PITPNM2: variants seen among roughly 807,000 people sequenced by gnomAD.
PITPNM2 encodes phosphatidylinositol transfer protein membrane associated 2, also known as membrane-associated phosphatidylinositol transfer protein 2.
PITPNM2 carries 35 observed loss-of-function variants against 132.2 expected under a neutral mutation model. The ratio of observed to expected loss-of-function variants is 0.26; its 90% confidence interval spans 0.20 to 0.35. The LOEUF (loss-of-function observed/expected upper bound fraction) is 0.35, where lower values mean the gene tolerates loss of function less well. Ranked by LOEUF, PITPNM2 falls within the 10% of genes least tolerant of loss-of-function variation. PITPNM2 has a pLI of 1.00. For synonymous variants in PITPNM2, 738 were observed against 799.2 expected (o/e 0.92, Z 1.29); for missense variants, 1,332 against 1,912.0 (o/e 0.70, Z 5.66).
chr12:123,107,460 C>G (rs1055655800), intron 2 of PITPNM2, among the ~76,000 whole-genome samples: 3 of 152,236 alleles, frequency 2.0e-5, no homozygotes, highest in African/African-American at 7.2e-5. Context: ...CCCCACCCAC[C>G]ACCTGCCACC....
chr12:123,052,365 T>C (rs913719900), intron 2 of PITPNM2, among the ~76,000 whole-genome samples: 2 of 152,174 alleles, frequency 1.3e-5, no homozygotes, highest in African/African-American at 4.8e-5. Flanking sequence ...AGGCCAGAAG[T>C]CTGAAATGAA....
At position 122,987,670 on chromosome 12, in the gene PITPNM2, C is replaced by T. The variant is rs970025836; in HGVS notation, c.3115-11G>A. ...GATGTGCACATCCACCTGGGCCCAG[C>T]AGGCTGGTCACGGGCTGGCTGTGTC... is the stretch of plus-strand genomic sequence containing the variant. On this transcript the variant is annotated splice_polypyrimidine_tract_variant and intron_variant, in intron 21 of 25. Transcript: ENST00000320201. 1 of 1,611,248 alleles carries T rather than the reference C, an allele frequency of 6.2e-7. No homozygotes were observed. The highest frequency in any genetic ancestry group is 1.7e-5 in the Admixed American group (1 of 59,850).
Position 122,995,583 on chromosome 12 carries a change from ACCGCCACCGCCGCCACCG to A in PITPNM2, c.1842_1859del (p.Gly617_Gly622del), listed in dbSNP as rs771483211. On this transcript the variant is annotated inframe_deletion, in exon 14 of 26. Coordinates refer to ENST00000320201, the MANE Select transcript of PITPNM2 (RefSeq NM_020845.3). Reference sequence around the variant, plus strand: ...TGCCACCACCACCACTGCTGCCACCACCGCCACCGCCGCCACCGCCACCACCGCAGCAGTGTGCTGCAT... The same window carrying A: ...TGCCACCACCACCACTGCTGCCACCACCACCACCGCAGCAGTGTGCTGCAT... The A allele has an allele frequency of 1.3e-6, 2 of 1,578,606 alleles. No homozygotes were observed. Among genetic ancestry groups the A allele is most frequent in the Non-Finnish European group, 8.5e-7 (1 of 1,176,746 alleles).
intron 2 of PITPNM2, among the ~76,000 whole-genome samples, chr12:123,069,962 G>C (rs899868193): frequency 1.3e-5 from 2 of 152,176 alleles, no homozygotes; most frequent in African/African-American, 4.8e-5. Flanking sequence ...TCAGGAAGCT[G>C]CCCAGCAGTG....
At chr12:123,059,459 A>G (rs1475977933) in intron 2 of PITPNM2, among the ~76,000 whole-genome samples, 3 of 152,262 alleles carry the variant, frequency 2.0e-5, no homozygotes, top group Non-Finnish European at 2.9e-5. Flanking sequence ...GTACTGTCCC[A>G]GCTTTACCAC....
rs945345710 is a variant in PITPNM2 at position 123,117,525 on chromosome 12, G to A, written c.-199-7037C>T. Among the ~76,000 whole-genome samples the A allele has an allele frequency of 4.6e-5, 7 of 152,180 alleles. No homozygotes were observed. The highest frequency in any genetic ancestry group is 1.9e-4 in the East Asian group (1 of 5,190). The stretch of plus-strand genomic sequence containing the variant: ...GTTTCCCCATCTGTAGAGTGAGGAG[G>A]CTGGGCTTCATGACCTCTGAAAGGG... On this transcript the variant is annotated intron_variant, in intron 1 of 25. Transcript: ENST00000320201. The surrounding 1 kb of genome is among the most constrained non-coding windows in gnomAD (Gnocchi z 4.7).
At position 123,001,202 on chromosome 12, in the gene PITPNM2, G is replaced by A. The variant is rs753105764; in HGVS notation, c.1049-44C>T. ...AACTCAGGTGGGACTGGGAACGCTG[G>A]GGAAGCCTGGCTTCCCGAGGTGGGG... On this transcript the variant is annotated intron_variant, in intron 8 of 25. Transcript: ENST00000320201. The A allele has an allele frequency of 3.3e-6, 5 of 1,533,328 alleles. No homozygotes were observed. In the Admixed American group the frequency reaches 8.4e-5, roughly 26 times the overall value. 95.0% of individuals were successfully genotyped at this position (1,533,328 alleles called of 1,614,324 possible).
At position 122,986,134 on chromosome 12, in the gene PITPNM2, C is replaced by T. The variant is rs758608732; in HGVS notation, c.3943G>A (p.Ala1315Thr). Residue 1315 changes from alanine (A) to threonine (T), a missense_variant, in exon 26 of 26, where the codon GCG (alanine) becomes ACG (threonine). Physicochemically the swap from Ala to Thr is moderately conservative, Grantham distance 58 (BLOSUM62 0). Around this residue, in one of 6 missense-constraint regions of PITPNM2, gnomAD observed 163 missense variants for 177.2 expected, o/e 0.92. Coordinates refer to ENST00000320201, the MANE Select transcript of PITPNM2 (RefSeq NM_020845.3). ...SHRHERTQSQ[A>T]DGEQRGQRSM... ...CGCTGGCCCCGCTGCTCGCCATCCG[C>T]CTGGCTCTGTGTCCGCTCGTGCCGG... 1.3e-6 allele frequency: 2 copies of T among 1,521,118 alleles called. No individual in the cohort carries two copies. The highest frequency in any genetic ancestry group is 2.4e-5 in the South Asian group (2 of 82,306). 94.2% of individuals were successfully genotyped at this position (1,521,118 alleles called of 1,614,324 possible).
At chr12:123,006,080 C>T (rs2038922392) in intron 6 of PITPNM2, 1 of 152,374 alleles carries the variant, frequency 6.6e-6, no homozygotes, top group African/African-American at 2.4e-5. Context: ...CACTGCACTC[C>T]AGCCTGGGTA....
chr12:123,034,452 G>T lies in PITPNM2; in HGVS notation c.78+61C>A, dbSNP rs2040203530. On this transcript the variant is annotated intron_variant, in intron 3 of 25. Coordinates refer to ENST00000320201, the MANE Select transcript of PITPNM2 (RefSeq NM_020845.3). ...CACAACTCCACCTAACCCACATGTG[G>T]TGTCTGTGCGCTGGCGCGACCCACC... The T allele has an allele frequency of 1.0e-5, 15 of 1,486,878 alleles. 1 individual carries two copies. In the South Asian group the frequency reaches 1.5e-4, roughly 15 times the overall value. 92.1% of individuals were successfully genotyped at this position (1,486,878 alleles called of 1,614,324 possible). A position where few individuals can be genotyped will look rare whatever the true frequency, so the allele number is the denominator to read the frequency against.
rs775567521 is a variant in PITPNM2, at chr12:123,058,555, C to T, written c.-95-23870G>A. On this transcript the variant is annotated intron_variant, in intron 2 of 25. Coordinates refer to ENST00000320201, the MANE Select transcript of PITPNM2 (RefSeq NM_020845.3). This position sits in a 1 kb window ranked among gnomAD's most constrained non-coding sequence, Gnocchi z 4.0. ...CCTCTCCAGGGCCTCTCTCACTCCA[C>T]CATTCACCTGCTGTTCCCTGCTGTC... Among the ~76,000 whole-genome samples, 1 of 152,218 alleles carries T rather than the reference C, an allele frequency of 6.6e-6. No individual in the cohort carries two copies. Among genetic ancestry groups the T allele is most frequent in the Non-Finnish European group, 1.5e-5 (1 of 68,038 alleles).
At chr12:123,037,664 C>A (rs549087082) in intron 2 of PITPNM2, among the ~76,000 whole-genome samples, 102 of 152,314 alleles carry the variant, frequency 6.7e-4, no homozygotes, top group African/African-American at 2.2e-3. Context: ...ACCTGCCCTG[C>A]TCATCCCCAT....
Position 122,987,318 on chromosome 12 carries a change from C to T in PITPNM2, c.3376G>A (p.Asp1126Asn), listed in dbSNP as rs762885179. The T allele has an allele frequency of 5.6e-6, 9 of 1,611,958 alleles. No homozygotes were observed. In the Middle Eastern group the frequency reaches 6.3e-4, roughly 112 times the overall value. ...ACGGCCCCGGCCCGCACCTTGGGGTCGCTGCCCATGATGGACACGCTAGCG... is the reference window on the plus strand; with the variant it reads ...ACGGCCCCGGCCCGCACCTTGGGGTTGCTGCCCATGATGGACACGCTAGCG... ...FAASVSIMGSDPKVRAGAVDV... is the reference protein window; with the variant it reads ...FAASVSIMGSNPKVRAGAVDV... Residue 1126 changes from aspartate to asparagine, a missense_variant, in exon 23 of 26, where the codon GAC (aspartate) becomes AAC (asparagine). Around this residue, in one of 6 missense-constraint regions of PITPNM2, gnomAD observed 251 missense variants for 472.0 expected, o/e 0.53. Transcript: ENST00000320201.
In PITPNM2 at chr12:123,004,343, C is replaced by T. The variant is rs769358200; in HGVS notation, c.1048+51G>A. 5 of 1,578,904 alleles carry T rather than the reference C, an allele frequency of 3.2e-6. No homozygotes were observed. In the East Asian group the frequency reaches 9.0e-5, roughly 28 times the overall value. On this transcript the variant is annotated intron_variant, in intron 8 of 25. Transcript: ENST00000320201. The surrounding 1 kb of genome is among the most constrained non-coding windows in gnomAD (Gnocchi z 4.9). ...ACACCCTAAGCCCTTTCAGACCCCT[C>T]CCCACCTCGCCCAGGAAGGCCCCAA...
At chr12:123,138,477 T>G (rs985480730) in intron 1 of PITPNM2, among the ~76,000 whole-genome samples, 1 of 152,300 alleles carries the variant, frequency 6.6e-6, no homozygotes, top group South Asian at 2.1e-4. Context: ...TGTTATATTA[T>G]GTATATTTTA....
intron 3 of PITPNM2, among the ~76,000 whole-genome samples, chr12:123,019,233 CAAGTT>C (rs2039571184): frequency 6.6e-6 from 1 of 152,092 alleles, no homozygotes; most frequent in Admixed American, 6.6e-5. Flanking sequence ...AAGTAGCTGT[CAAGTT>C]ATTTCAAAAT....
In PITPNM2 at chr12:123,077,600, GA is replaced by G. The variant is rs1035119916; in HGVS notation, c.-96+32784del. 5.3e-5 allele frequency among the ~76,000 whole-genome samples: 8 copies of G among 152,130 alleles called. No homozygotes were observed. Among genetic ancestry groups the G allele is most frequent in the African/African-American group, 1.9e-4 (8 of 41,420 alleles). ...AGCTACTCACAGACTCCCTAGAGGA[GA>G]ACTCCACGCACCCAAACTCTGCTGT... On this transcript the variant is annotated intron_variant, in intron 2 of 25. Coordinates refer to ENST00000320201, the MANE Select transcript of PITPNM2 (RefSeq NM_020845.3). The surrounding 1 kb of genome is among the most constrained non-coding windows in gnomAD (Gnocchi z 4.8).
At position 123,000,649 on chromosome 12, in the gene PITPNM2, C is replaced by T. The variant is rs548452533; in HGVS notation, c.1224+129G>A. 1.9e-6 allele frequency: 2 copies of T among 1,050,670 alleles called. No individual in the cohort carries two copies. The highest frequency in any genetic ancestry group is 2.1e-5 in the Admixed American group (1 of 47,472). 65.1% of individuals were successfully genotyped at this position (1,050,670 alleles called of 1,614,324 possible). The stretch of plus-strand genomic sequence containing the variant: ...GGCCCAGGCCTCTCCCCAGACAGTA[C>T]CCAGGCAGGCGTGGAGGTGAGGCTG... On this transcript the variant is annotated intron_variant, in intron 10 of 25. Transcript: ENST00000320201. This position sits in a 1 kb window ranked among gnomAD's most constrained non-coding sequence, Gnocchi z 5.4.
intron 2 of PITPNM2, among the ~76,000 whole-genome samples, chr12:123,104,510 G>A (rs1257820460): frequency 6.6e-6 from 1 of 152,120 alleles, no homozygotes; most frequent in African/African-American, 2.4e-5. Flanking sequence ...AAAATGGCCG[G>A]TCCTTGCCTT....
Sources: gnomAD v4.1 joint callset for allele counts (sites outside exome capture counted in the v4.1 genomes callset) on GRCh38, gnomAD v4.1.1 for gene constraint, gnomAD v4.1.1 regional missense constraint, Gnocchi (gnomAD v3.1) non-coding constraint, MANE v1.5 for transcripts, NCBI Gene and HGNC (gene_info 2026-07-23, HGNC 2026-07-21) for gene names.